TUSC3: variants seen among roughly 807,000 people sequenced by gnomAD.
The protein encoded by TUSC3 is tumor suppressor candidate 3.
A neutral mutation model predicts 44.8 loss-of-function variants in TUSC3; 45 were observed. The observed-to-expected ratio is 1.00, with a 90% CI of 0.79 to 1.29. The LOEUF is 1.29. TUSC3 is among the 50% of genes most tolerant of loss of function. TUSC3 has a pLI of 0.00. For missense variants in TUSC3, 519 were observed against 437.9 expected (o/e 1.19, Z -1.65); for synonymous variants, 212 against 152.9 (o/e 1.39, Z -2.85).
At chr8:15,623,634 C>T (rs889361739) in intron 2 of TUSC3, among the ~76,000 whole-genome samples, 10 of 151,478 alleles carry the variant, frequency 6.6e-5, no homozygotes, top group African/African-American at 2.4e-4. Flanking sequence ...ATTTTTGATA[C>T]CGCCAATGAT....
intron 6 of TUSC3, among the ~76,000 whole-genome samples, chr8:15,726,539 C>G (rs553405426): frequency 6.6e-6 from 1 of 152,254 alleles, no homozygotes; most frequent in Non-Finnish European, 1.5e-5. Flanking sequence ...GGTGCGGTGG[C>G]TCACGCCTGT....
At chr8:15,450,466 A>G (rs1800182057) in intron 1 of TUSC3, among the ~76,000 whole-genome samples, 1 of 152,144 alleles carries the variant, frequency 6.6e-6, no homozygotes, top group Non-Finnish European at 1.5e-5. Flanking sequence ...CAGGCAGATC[A>G]CAAGGTCAGG....
chr8:15,470,543 T>C (rs1302464345), intron 1 of TUSC3, among the ~76,000 whole-genome samples: 1 of 152,162 alleles, frequency 6.6e-6, no homozygotes, highest in East Asian at 1.9e-4. Context: ...TGAGTATGTG[T>C]CGGGACAGGA....
downstream of TUSC3, among the ~76,000 whole-genome samples, chr8:15,771,557 C>G (rs2604371): frequency 5.9e-3 from 902 of 152,146 alleles, 9 homozygotes; most frequent in African/African-American, 0.02. Flanking sequence ...AATACAGTAA[C>G]TAAATCTTGT....
chr8:15,627,691 A>T (rs1805578228), intron 2 of TUSC3, among the ~76,000 whole-genome samples: 1 of 152,092 alleles, frequency 6.6e-6, no homozygotes, highest in African/African-American at 2.4e-5. Context: ...CTGGCCGGGG[A>T]AGCTGCTTGC....
At chr8:15,818,728 G>T in the TUSC3 span, among the ~76,000 whole-genome samples, 1 of 152,204 alleles carries the variant, frequency 6.6e-6, no homozygotes. Flanking sequence ...TGCTTCAAAT[G>T]ACTTATTCTT....
the TUSC3 span, among the ~76,000 whole-genome samples, chr8:15,773,926 A>C: frequency 1.3e-5 from 2 of 152,192 alleles, no homozygotes; most frequent in Non-Finnish European, 2.9e-5. Flanking sequence ...ATGTAAACTT[A>C]AGGGCTAAAA....
Position 15,747,433 on chromosome 8 carries a change from T to C in TUSC3, c.938-942T>C, listed in dbSNP as rs9325763. On this transcript the variant is annotated intron_variant, in intron 8 of 10. Transcript: ENST00000503731. ...AGAGATTAACACTAATTTCTACTTATATATTTAAATAAATTTTATTTAAAT... is the reference window on the plus strand; with the variant it reads ...AGAGATTAACACTAATTTCTACTTACATATTTAAATAAATTTTATTTAAAT... Among the ~76,000 whole-genome samples, 613 of 150,442 alleles carry C rather than the reference T, an allele frequency of 4.1e-3. 4 individuals are homozygous for C. The highest frequency in any genetic ancestry group is 0.014 in the African/African-American group (588 of 41,498).
At chr8:15,851,281 G>C in the TUSC3 span, among the ~76,000 whole-genome samples, 1 of 152,098 alleles carries the variant, frequency 6.6e-6, no homozygotes, top group Non-Finnish European at 1.5e-5. Flanking sequence ...ATAGGTGCCA[G>C]GGATACATCA....
chr8:15,464,569 T>G (rs1396558203), intron 1 of TUSC3, among the ~76,000 whole-genome samples: 1 of 152,220 alleles, frequency 6.6e-6, no homozygotes, highest in African/African-American at 2.4e-5. Context: ...TATTTAGATA[T>G]GTTGTATCAT....
intron 2 of TUSC3, among the ~76,000 whole-genome samples, chr8:15,497,530 G>A (rs77223599): frequency 0.1 from 15,538 of 152,114 alleles, 861 homozygotes; most frequent in Middle Eastern, 0.18. Context: ...CTCCTTTGAC[G>A]AGGGCAATTC....
At chr8:15,425,194 T>G (rs1799788486) in intron 1 of TUSC3, among the ~76,000 whole-genome samples, 1 of 152,216 alleles carries the variant, frequency 6.6e-6, no homozygotes, top group African/African-American at 2.4e-5. Flanking sequence ...TAGTCAAGTT[T>G]TCCATTTTCA....
intron 6 of TUSC3, among the ~76,000 whole-genome samples, chr8:15,722,708 G>A (rs962307685): frequency 1.3e-5 from 2 of 152,000 alleles, no homozygotes; most frequent in African/African-American, 4.8e-5. Context: ...TGTCTGTAGA[G>A]CTCTGGACTC....
the TUSC3 span, among the ~76,000 whole-genome samples, chr8:15,792,612 G>A: frequency 2.1e-4 from 32 of 151,644 alleles, no homozygotes; most frequent in African/African-American, 6.5e-4. Flanking sequence ...TTTTCTTTTC[G>A]TTTTTTTGTT....
At chr8:15,803,465 TA>T in the TUSC3 span, among the ~76,000 whole-genome samples, 84 of 134,326 alleles carry the variant, frequency 6.3e-4, no homozygotes, top group Non-Finnish European at 8.0e-4. Flanking sequence ...CTAAAGAATT[TA>T]ATATGACAAC....
chr8:15,794,378 C>A, the TUSC3 span, among the ~76,000 whole-genome samples: 3 of 152,090 alleles, frequency 2.0e-5, no homozygotes, highest in Non-Finnish European at 4.4e-5. Flanking sequence ...AATCAGAGTG[C>A]ATTTTTACAT....
intron 1 of TUSC3, among the ~76,000 whole-genome samples, chr8:15,572,194 G>A (rs554366698): frequency 5.9e-5 from 9 of 152,228 alleles, no homozygotes; most frequent in South Asian, 4.2e-4. Flanking sequence ...TAGTATACCC[G>A]TCTCCATCAA....
rs145281441 is a variant in TUSC3 at position 15,599,171 on chromosome 8, C to T, written c.139-23909C>T. On this transcript the variant is annotated intron_variant, in intron 1 of 10. Transcript: ENST00000503731. ...TATAATTGTCTTAATTTGCATTTCC[C>T]GATGACATGTAATGTGGAGGATCTT... 8.6e-5 allele frequency among the ~76,000 whole-genome samples: 13 copies of T among 151,828 alleles called. No homozygotes were observed. The East Asian group carries it at 1.5e-3, about 18-fold the overall frequency.
intron 1 of TUSC3, among the ~76,000 whole-genome samples, chr8:15,600,938 C>T (rs1348261236): frequency 6.6e-6 from 1 of 151,602 alleles, no homozygotes; most frequent in Non-Finnish European, 1.5e-5. Flanking sequence ...CCAATGTGTT[C>T]AGATACTGTG....
Sources: gnomAD v4.1 joint callset for allele counts (sites outside exome capture counted in the v4.1 genomes callset) on GRCh38, gnomAD v4.1.1 for gene constraint, MANE v1.5 for transcripts, NCBI Gene and HGNC (gene_info 2026-07-23, HGNC 2026-07-21) for gene names.